The following LAMA4 variants were observed in gnomAD, a reference collection of about 807,000 sequenced individuals.
The protein encoded by LAMA4 is laminin subunit alpha-4.
A neutral mutation model predicts 207.1 loss-of-function variants in LAMA4; 127 were observed. The observed-to-expected ratio is 0.61, with a 90% CI of 0.53 to 0.71. LAMA4 has a LOEUF of 0.71. Among genes scored for constraint, LAMA4 ranks in the 30% least tolerant of loss-of-function variants. LAMA4 has a pLI of 0.00. For synonymous variants in LAMA4, 761 were observed against 816.0 expected, an observed-to-expected ratio of 0.93 and a Z score of 1.15; for missense variants, 2,093 against 2,246.5, an observed-to-expected ratio of 0.93 and a Z score of 1.38.
chr6:112,188,232 G>A (rs567556880), intron 7 of LAMA4, among the ~76,000 whole-genome samples: 1 of 152,284 alleles, frequency 6.6e-6, no homozygotes, highest in Admixed American at 6.5e-5. Flanking sequence ...GCGTGTTAAT[G>A]GTTGTTAATA....
intron 2 of LAMA4, among the ~76,000 whole-genome samples, chr6:112,238,746 C>T (rs1174337318): frequency 6.6e-6 from 1 of 152,128 alleles, no homozygotes; most frequent in African/African-American, 2.4e-5. Context: ...GTAATAGTGA[C>T]ATATTTATTA....
chr6:112,188,952 C>A, intron 7 of LAMA4, 158 bp downstream of exon 7: 1 of 637,772 alleles, frequency 1.6e-6, no homozygotes, highest in Non-Finnish European at 2.9e-6. Flanking sequence ...CCACCAAGTA[C>A]TTGGTGCAGG....
At chr6:112,227,457 AAAAAG>A (rs782570049) in intron 2 of LAMA4, among the ~76,000 whole-genome samples, 11 of 152,210 alleles carry the variant, frequency 7.2e-5, no homozygotes, top group Non-Finnish European at 1.5e-4. Flanking sequence ...ATGAGGAAAG[AAAAAG>A]AAAAGAAAGG....
At chr6:112,190,947 C>CCTTTCTTTCTTTCTTTCTTTCTTTCTTT (rs199702092) in intron 6 of LAMA4, among the ~76,000 whole-genome samples, 14 of 40,512 alleles carry the variant, frequency 3.5e-4, no homozygotes, top group South Asian at 1.9e-3. Context: ...TTCTTTCTTT[C>CCTTTCTTTCTTTCTTTCTTTCTTTCTTT]CTTTCTTTCT....
intron 2 of LAMA4, among the ~76,000 whole-genome samples, chr6:112,252,932 C>T (rs899280860): frequency 6.6e-6 from 1 of 152,168 alleles, no homozygotes; most frequent in Non-Finnish European, 1.5e-5. Flanking sequence ...AGGGCTTACT[C>T]TGAAGAAGGA....
intron 8 of LAMA4, chr6:112,186,690 C>T: frequency 2.3e-6 from 1 of 430,114 alleles, no homozygotes. Context: ...ATAATACTAA[C>T]ACAATGTCAA....
At chr6:112,121,592 A>T (rs925896276) in intron 32 of LAMA4, among the ~76,000 whole-genome samples, 1 of 152,232 alleles carries the variant, frequency 6.6e-6, no homozygotes, top group Non-Finnish European at 1.5e-5. Context: ...CTGGAGGGTC[A>T]TAGACATACA....
intron 2 of LAMA4, among the ~76,000 whole-genome samples, chr6:112,221,804 A>G (rs1363846878): frequency 1.3e-5 from 2 of 152,228 alleles, no homozygotes; most frequent in Non-Finnish European, 2.9e-5. Context: ...ATCAGATAGT[A>G]TTCAAGGATT....
At chr6:112,194,904 A>G (rs567380838) in intron 5 of LAMA4, among the ~76,000 whole-genome samples, 15 of 152,310 alleles carry the variant, frequency 9.8e-5, no homozygotes, top group African/African-American at 3.6e-4. Flanking sequence ...AGGAAAACAG[A>G]ACTGGTAAGT....
At chr6:112,151,727 A>G (rs1554335805) in intron 16 of LAMA4, among the ~76,000 whole-genome samples, 2 of 151,994 alleles carry the variant, frequency 1.3e-5, no homozygotes, top group African/African-American at 4.8e-5. Flanking sequence ...GTGTCCTTGT[A>G]TTGTTTCTAA....
At position 112,129,529 on chromosome 6, in the gene LAMA4, G is replaced by C. The variant is rs540414904; in HGVS notation, c.4133+347C>G. On this transcript the variant is annotated intron_variant, in intron 30 of 38. Coordinates refer to ENST00000230538, the MANE Select transcript of LAMA4 (RefSeq NM_001105206.3). ...ATTAATGATAAGTACAAAAATAATT[G>C]CATCTAATATTTATAGCTTGCTGTA... Among the ~76,000 whole-genome samples the C allele has an allele frequency of 2.2e-3, 338 of 152,142 alleles. 1 individual carries two copies. Among genetic ancestry groups the C allele is most frequent in the African/African-American group, 7.8e-3 (324 of 41,528 alleles).
At chr6:112,163,119 G>A (rs1781163536) in intron 13 of LAMA4, among the ~76,000 whole-genome samples, 1 of 151,630 alleles carries the variant, frequency 6.6e-6, no homozygotes, top group Admixed American at 6.6e-5. Flanking sequence ...CTGTAGGCAT[G>A]CACCACCACG....
At position 112,136,289 on chromosome 6, in the gene LAMA4, C is replaced by T. The variant is rs1554331599; in HGVS notation, c.3283-35G>A. Reference sequence around the variant, plus strand: ...GAAAGGAATTGTAAGATAGGAACATCTGTTATGCGAGTAGAGTCAGATTTA... The same window carrying T: ...GAAAGGAATTGTAAGATAGGAACATTTGTTATGCGAGTAGAGTCAGATTTA... On this transcript the variant is annotated intron_variant, in intron 24 of 38. Coordinates refer to ENST00000230538, the MANE Select transcript of LAMA4 (RefSeq NM_001105206.3). 2.6e-6 allele frequency: 4 copies of T among 1,558,116 alleles called. No homozygotes were observed. The Admixed American group carries it at 6.7e-5, about 26-fold the overall frequency.
In LAMA4 at chr6:112,179,737, GTAT is replaced by G. The variant is rs1782234232; in HGVS notation, c.1078-1508_1078-1506del. 3.1e-5 allele frequency: 8 copies of G among 257,520 alleles called. No individual in the cohort carries two copies. The South Asian group carries it at 3.6e-4, about 11-fold the overall frequency. 16.0% of individuals were successfully genotyped at this position (257,520 alleles called of 1,614,324 possible). ...GGTCAAGGAAGAGAATGCAGAAATG[GTAT>G]TATAACAAACACATGCCCAGAGGCT... On this transcript the variant is annotated intron_variant, in intron 9 of 38. Transcript: ENST00000230538.
intron 29 of LAMA4, chr6:112,130,244 T>C (rs995933730): frequency 7.2e-5 from 42 of 584,864 alleles, no homozygotes; most frequent in Middle Eastern, 9.2e-4. Context: ...CAAACCAAGA[T>C]TGGAATTTAA....
intron 8 of LAMA4, among the ~76,000 whole-genome samples, chr6:112,186,218 A>G (rs544277466): frequency 1.3e-5 from 2 of 152,336 alleles, no homozygotes; most frequent in African/African-American, 4.8e-5. Context: ...GAATTCTCTC[A>G]ACAGCTCATG....
At position 112,159,132 on chromosome 6, in the gene LAMA4, TA is replaced by T. The variant is rs11338307; in HGVS notation, c.1669-253del. On this transcript the variant is annotated intron_variant, in intron 13 of 38. Transcript: ENST00000230538. ...GCTCTACCATTTCAGACCTAAAAAC[TA>T]AAACTAAACTAAAACCTTCAATTAT... is the stretch of plus-strand genomic sequence containing the variant. The T allele has an allele frequency of 0.26, 121,311 of 468,340 alleles. 16,544 individuals are homozygous for T. The highest frequency in any genetic ancestry group is 0.33 in the East Asian group (8,027 of 24,090). The allele number at this position is 468,340 out of a possible 1,614,324, so 29.0% of individuals were successfully genotyped here.
upstream of LAMA4, chr6:112,254,775 T>C (rs968559655): frequency 7.1e-5 from 11 of 153,868 alleles, no homozygotes; most frequent in Admixed American, 5.8e-4. Flanking sequence ...GGATGTCTTA[T>C]CTATATTTAC....
At chr6:112,244,718 G>T (rs188823804) in intron 2 of LAMA4, among the ~76,000 whole-genome samples, 2 of 152,094 alleles carry the variant, frequency 1.3e-5, no homozygotes, top group African/African-American at 2.4e-5. Flanking sequence ...CTCTTCTCAC[G>T]TACAAAATGA....
Sources: gnomAD v4.1 joint callset for allele counts (sites outside exome capture counted in the v4.1 genomes callset) on GRCh38, gnomAD v4.1.1 for gene constraint, MANE v1.5 for transcripts, NCBI Gene and HGNC (gene_info 2026-07-23, HGNC 2026-07-21) for gene names.